TUSC3: variants seen among roughly 807,000 people sequenced by gnomAD.
The protein encoded by TUSC3 is tumor suppressor candidate 3, also known as dolichyl-diphosphooligosaccharide--protein glycosyltransferase subunit TUSC3.
TUSC3 carries 45 observed loss-of-function variants against 44.8 expected under a neutral mutation model. The ratio of observed to expected loss-of-function variants is 1.00; its 90% CI spans 0.79 to 1.29. The LOEUF is 1.29. Among genes scored for constraint, TUSC3 ranks in the 50% most tolerant of loss-of-function variants. TUSC3 has a pLI of 0.00. For synonymous variants in TUSC3, 212 were observed against 152.9 expected (o/e 1.39, Z -2.85); for missense variants, 519 against 437.9 (o/e 1.19, Z -1.65).
At chr8:15,458,600 G>C (rs1419166484) in intron 1 of TUSC3, among the ~76,000 whole-genome samples, 1 of 152,134 alleles carries the variant, frequency 6.6e-6, no homozygotes, top group African/African-American at 2.4e-5. Context: ...ATGGACCAAC[G>C]ATGAATGTGT....
intron 1 of TUSC3, among the ~76,000 whole-genome samples, chr8:15,563,976 A>G (rs1272104082): frequency 3.9e-5 from 6 of 152,108 alleles, no homozygotes; most frequent in African/African-American, 9.7e-5. Flanking sequence ...GTCTGAAACA[A>G]TTGTTTGGTG....
intron 2 of TUSC3, among the ~76,000 whole-genome samples, chr8:15,626,909 G>A (rs1339191706): frequency 2.0e-5 from 3 of 152,206 alleles, no homozygotes; most frequent in Non-Finnish European, 2.9e-5. Context: ...ATGGCTGCAG[G>A]AGGCAGACAG....
At chr8:15,481,384 A>T (rs548414694) in intron 1 of TUSC3, among the ~76,000 whole-genome samples, 1 of 152,218 alleles carries the variant, frequency 6.6e-6, no homozygotes, top group East Asian at 1.9e-4. Context: ...TTAAAGGACA[A>T]GTTCAGACCC....
chr8:15,536,681 CAAAAAAAAAAAAAAAAAAAAAAAAAAAAA>C (rs570573410), upstream of TUSC3, among the ~76,000 whole-genome samples: 2 of 45,572 alleles, frequency 4.4e-5, no homozygotes, highest in African/African-American at 7.5e-5. Flanking sequence ...GATTCCGTCT[CAAAAAAAAAAAAAAAAAAAAAAAAAAAAA>C]AAAAAAAAAA....
At chr8:15,540,251 G>C (rs1004747759), upstream of TUSC3, 1 of 861,570 alleles carries the variant, frequency 1.2e-6, no homozygotes, top group Non-Finnish European at 1.6e-6. Context: ...CCGGTGAACC[G>C]GATGCTCTGT....
At chr8:15,538,559 G>A (rs554254240), upstream of TUSC3, among the ~76,000 whole-genome samples, 3 of 152,272 alleles carry the variant, frequency 2.0e-5, no homozygotes, top group African/African-American at 7.2e-5. Flanking sequence ...ATCGTTAACA[G>A]TGGAACCTAG....
intron 6 of TUSC3, among the ~76,000 whole-genome samples, chr8:15,698,609 A>G (rs898470999): frequency 7.2e-5 from 11 of 152,166 alleles, no homozygotes; most frequent in African/African-American, 2.4e-4. Context: ...ATACTATTAC[A>G]TCTCAGAATA....
intron 1 of TUSC3, among the ~76,000 whole-genome samples, chr8:15,426,404 T>A (rs1799804335): frequency 6.6e-6 from 1 of 152,214 alleles, no homozygotes; most frequent in Non-Finnish European, 1.5e-5. Flanking sequence ...TTCCCCAGTT[T>A]CCCCAAATCC....
intron 6 of TUSC3, among the ~76,000 whole-genome samples, chr8:15,708,777 A>C (rs143535350): frequency 2.5e-3 from 373 of 152,038 alleles, no homozygotes; most frequent in Non-Finnish European, 4.2e-3. Flanking sequence ...GATCTTTACA[A>C]GATACGTGGA....
At chr8:15,458,566 G>A (rs554850519) in intron 1 of TUSC3, among the ~76,000 whole-genome samples, 1 of 152,110 alleles carries the variant, frequency 6.6e-6, no homozygotes, top group African/African-American at 2.4e-5. Context: ...TATAAAAAAC[G>A]TGTTAAATAA....
chr8:15,702,590 T>C (rs938040322), intron 6 of TUSC3, among the ~76,000 whole-genome samples: 1 of 152,052 alleles, frequency 6.6e-6, no homozygotes, highest in Non-Finnish European at 1.5e-5. Flanking sequence ...ATGCCACAGA[T>C]TGGTAGTGTC....
intron 10 of TUSC3, among the ~76,000 whole-genome samples, chr8:15,760,999 T>C (rs1812148797): frequency 1.3e-5 from 2 of 152,188 alleles, no homozygotes; most frequent in African/African-American, 4.8e-5. Context: ...TTCCTTTAGC[T>C]AAAAGAAATG....
intron 1 of TUSC3, among the ~76,000 whole-genome samples, chr8:15,605,426 C>A (rs1325586959): frequency 6.6e-6 from 1 of 151,904 alleles, no homozygotes; most frequent in South Asian, 2.1e-4. Flanking sequence ...AACCATTTAT[C>A]TTCTCCTGTA....
chr8:15,600,634 AT>A (rs1804247098), intron 1 of TUSC3, among the ~76,000 whole-genome samples: 2 of 151,660 alleles, frequency 1.3e-5, no homozygotes. Context: ...ATACACGAAC[AT>A]TTGAGGAGGT....
chr8:15,574,866 T>C (rs891119200), intron 1 of TUSC3, among the ~76,000 whole-genome samples: 6 of 152,282 alleles, frequency 3.9e-5, no homozygotes, highest in South Asian at 2.1e-4. Context: ...AGTTAGAACC[T>C]AATAAACATA....
intron 1 of TUSC3, among the ~76,000 whole-genome samples, chr8:15,440,547 A>G (rs749592625): frequency 6.6e-6 from 1 of 152,228 alleles, no homozygotes; most frequent in African/African-American, 2.4e-5. Context: ...AGGAGAATCA[A>G]ACAGACTAGT....
At chr8:15,631,849 G>T (rs1563143850) in intron 2 of TUSC3, among the ~76,000 whole-genome samples, 1 of 151,998 alleles carries the variant, frequency 6.6e-6, no homozygotes. Flanking sequence ...GGGACTACAG[G>T]CACCTGCCGC....
chr8:15,571,008 G>C (rs1027853236), intron 1 of TUSC3, among the ~76,000 whole-genome samples: 10 of 92,524 alleles, frequency 1.1e-4, no homozygotes, highest in African/African-American at 3.5e-4. Context: ...CCAGGCTGAA[G>C]TGCAGTGATA....
intron 1 of TUSC3, among the ~76,000 whole-genome samples, chr8:15,460,710 A>G (rs1178902981): frequency 1.3e-5 from 2 of 152,066 alleles, no homozygotes; most frequent in Non-Finnish European, 2.9e-5. Flanking sequence ...TTTGTGTAAG[A>G]TGAGAGATGA....
Sources: gnomAD v4.1 joint callset for allele counts (sites outside exome capture counted in the v4.1 genomes callset) on GRCh38, gnomAD v4.1.1 for gene constraint, MANE v1.5 for transcripts, NCBI Gene and HGNC (gene_info 2026-07-23, HGNC 2026-07-21) for gene names.